CACNA2D3: variants seen among roughly 807,000 people sequenced by gnomAD.
CACNA2D3 encodes the protein calcium voltage-gated channel auxiliary subunit alpha2delta 3, also known as voltage-dependent calcium channel subunit alpha-2/delta-3.
In CACNA2D3, 60 loss-of-function variants were observed where a neutral mutation model predicts 160.6. That is an observed-to-expected ratio of 0.37 (90% CI 0.30 to 0.46). The LOEUF is 0.46. Ranked by LOEUF, CACNA2D3 falls within the 20% of genes least tolerant of loss-of-function variation. The pLI is 1.00. For synonymous variants in CACNA2D3, 558 were observed against 492.9 expected (o/e 1.13, Z -1.75); for missense variants, 1,205 against 1,365.0 (o/e 0.88, Z 1.85).
intron 2 of CACNA2D3, among the ~76,000 whole-genome samples, chr3:54,286,270 T>A (rs1227090548): frequency 1.3e-5 from 2 of 152,108 alleles, no homozygotes; most frequent in African/African-American, 4.8e-5. Flanking sequence ...GCTCGAGAAC[T>A]ACGTGAAGAA....
chr3:54,644,902 G>A (rs12496821), intron 11 of CACNA2D3, among the ~76,000 whole-genome samples: 8,087 of 152,232 alleles, frequency 0.053, 371 homozygotes, highest in Admixed American at 0.16. Flanking sequence ...TATTGCTGCC[G>A]TCTATTGACT....
intron 3 of CACNA2D3, among the ~76,000 whole-genome samples, chr3:54,334,328 C>T (rs965647797): frequency 7.2e-5 from 11 of 152,108 alleles, no homozygotes; most frequent in African/African-American, 1.2e-4. Context: ...TCAAGTGATC[C>T]GCCCACCTTG....
intron 2 of CACNA2D3, among the ~76,000 whole-genome samples, chr3:54,232,004 G>A (rs1300476571): frequency 6.6e-6 from 1 of 152,238 alleles, no homozygotes; most frequent in African/African-American, 2.4e-5. Context: ...GGAGTCCATT[G>A]TCTCGTTATT....
intron 5 of CACNA2D3, among the ~76,000 whole-genome samples, chr3:54,530,524 G>T (rs1701790221): frequency 6.6e-6 from 1 of 152,170 alleles, no homozygotes; most frequent in South Asian, 2.1e-4. Flanking sequence ...GACCAGCCCA[G>T]ACTTGGCATC....
intron 35 of CACNA2D3, among the ~76,000 whole-genome samples, chr3:55,040,762 C>T (rs4955924): frequency 0.19 from 28,945 of 151,976 alleles, 2,854 homozygotes; most frequent in East Asian, 0.27. Context: ...GAGGGTTTTT[C>T]GTTATTGTTA....
At chr3:54,156,470 C>G (rs59067760) in intron 2 of CACNA2D3, among the ~76,000 whole-genome samples, 10,609 of 152,238 alleles carry the variant, frequency 0.07, 1,230 homozygotes, top group African/African-American at 0.24. Flanking sequence ...TGAAGTGGAG[C>G]ACCAATTGCA....
At position 54,794,382 on chromosome 3, in the gene CACNA2D3, CAT is replaced by C. The variant is rs148568276; in HGVS notation, c.1381-22468_1381-22467del. Among the ~76,000 whole-genome samples the C allele has an allele frequency of 1.9e-3, 285 of 152,226 alleles. 2 individuals carry two copies. Among genetic ancestry groups the C allele is most frequent in the African/African-American group, 6.5e-3 (270 of 41,564 alleles). The stretch of plus-strand genomic sequence containing the variant: ...ATTATTAAGATACTTTTTACTTCCA[CAT>C]ATGTTATAAACCTCACAATACATTG... On this transcript the variant is annotated intron_variant, in intron 13 of 37. Coordinates refer to ENST00000474759, the MANE Select transcript of CACNA2D3 (RefSeq NM_018398.3).
chr3:54,392,106 A>C (rs1248447317), intron 4 of CACNA2D3, among the ~76,000 whole-genome samples: 1 of 152,224 alleles, frequency 6.6e-6, no homozygotes, highest in African/African-American at 2.4e-5. Context: ...ATTACATGTA[A>C]TTATTTTAGT....
chr3:54,669,103 A>T (rs992112339), intron 11 of CACNA2D3, among the ~76,000 whole-genome samples: 1 of 152,228 alleles, frequency 6.6e-6, no homozygotes, highest in Admixed American at 6.5e-5. Flanking sequence ...TGAACTCCAC[A>T]ACTGAAGAGT....
intron 4 of CACNA2D3, among the ~76,000 whole-genome samples, chr3:54,413,424 CTA>C (rs151332125): frequency 1.2e-4 from 17 of 145,526 alleles, no homozygotes; most frequent in Middle Eastern, 3.6e-3. Context: ...ATATAGATAT[CTA>C]TATATATATA....
intron 1 of CACNA2D3, 106 bp downstream of exon 1, chr3:54,122,941 G>A (rs1174738329): frequency 1.1e-5 from 12 of 1,067,580 alleles, no homozygotes; most frequent in African/African-American, 1.7e-5. Context: ...ACCCGCCGCG[G>A]GCGTCGGCCT....
intron 2 of CACNA2D3, among the ~76,000 whole-genome samples, chr3:54,256,111 A>G (rs999772302): frequency 6.6e-6 from 1 of 152,190 alleles, no homozygotes; most frequent in African/African-American, 2.4e-5. Flanking sequence ...TATACACAGG[A>G]TCTTGGAAAG....
At chr3:54,920,391 G>A (rs1011898333) in intron 27 of CACNA2D3, among the ~76,000 whole-genome samples, 4 of 150,970 alleles carry the variant, frequency 2.6e-5, no homozygotes, top group African/African-American at 9.8e-5. Flanking sequence ...TGTTGCCACT[G>A]CTTAAAACTG....
intron 14 of CACNA2D3, among the ~76,000 whole-genome samples, chr3:54,822,832 T>TC (rs1270493213): frequency 3.4e-5 from 2 of 58,030 alleles, no homozygotes; most frequent in African/African-American, 1.7e-4. Flanking sequence ...TCTTTCTTTC[T>TC]TTTCTTTCTT....
intron 5 of CACNA2D3, among the ~76,000 whole-genome samples, chr3:54,530,247 T>C (rs1701786347): frequency 6.6e-6 from 1 of 152,162 alleles, no homozygotes; most frequent in South Asian, 2.1e-4. Flanking sequence ...GTACCGTATG[T>C]GGTCACAGCT....
At chr3:54,270,543 A>G (rs1702601412) in intron 2 of CACNA2D3, among the ~76,000 whole-genome samples, 1 of 151,748 alleles carries the variant, frequency 6.6e-6, no homozygotes, top group Non-Finnish European at 1.5e-5. Flanking sequence ...CTGCATAACA[A>G]TTTAGGAGAA....
intron 3 of CACNA2D3, among the ~76,000 whole-genome samples, chr3:54,356,912 C>G (rs558260277): frequency 1.3e-5 from 2 of 152,000 alleles, no homozygotes; most frequent in African/African-American, 4.8e-5. Context: ...GGTTTTCTGG[C>G]AGGGAAAATT....
chr3:54,474,776 G>T (rs1193170841), intron 4 of CACNA2D3, among the ~76,000 whole-genome samples: 1 of 152,010 alleles, frequency 6.6e-6, no homozygotes, highest in East Asian at 1.9e-4. Flanking sequence ...AGGCAAGTTT[G>T]AATTGAACTT....
At chr3:54,698,500 T>G (rs923962839) in intron 11 of CACNA2D3, among the ~76,000 whole-genome samples, 1 of 152,234 alleles carries the variant, frequency 6.6e-6, no homozygotes, top group South Asian at 2.1e-4. Flanking sequence ...TATTCTGCTC[T>G]GAATGATCTT....
Sources: allele counts gnomAD v4.1 joint callset (sites outside exome capture counted in the v4.1 genomes callset), GRCh38; gene constraint gnomAD v4.1.1; transcripts MANE v1.5; gene names NCBI Gene and HGNC (gene_info 2026-07-23, HGNC 2026-07-21).